CNTN6: variants seen among roughly 807,000 people sequenced by gnomAD.
The protein encoded by CNTN6 is contactin 6, also known as contactin-6.
Under a neutral mutation model 122.8 loss-of-function variants are expected in CNTN6, and 137 were observed. The observed-to-expected ratio is 1.12, with a 90% CI of 0.97 to 1.29. CNTN6 has a LOEUF of 1.29. Ranked by LOEUF, CNTN6 falls within the 50% of genes most tolerant of loss-of-function variation. CNTN6 has a pLI of 0.00. For synonymous variants in CNTN6, 570 were observed against 426.0 expected (o/e 1.34, Z -4.16); for missense variants, 1,634 against 1,223.4 (o/e 1.34, Z -5.01).
chr3:1,367,068 G>C (rs556944511), intron 12 of CNTN6, among the ~76,000 whole-genome samples: 1 of 152,122 alleles, frequency 6.6e-6, no homozygotes, highest in African/African-American at 2.4e-5. Context: ...GTATTTGTGG[G>C]ATATAATGTG....
In CNTN6 at chr3:1,372,983, A is replaced by T. The variant is rs1305080921; in HGVS notation, c.1786+28A>T. On this transcript the variant is annotated intron_variant, in intron 14 of 22. Coordinates refer to ENST00000446702, the MANE Select transcript of CNTN6 (RefSeq NM_001289080.2). The stretch of plus-strand genomic sequence containing the variant: ...AAGCATAAATGGTGAAAAAGTGATC[A>T]CATTGTTTCTTCACAGTTACAGTGT... 1.1e-5 allele frequency: 14 copies of T among 1,286,254 alleles called. No homozygotes were observed. The East Asian group carries it at 3.3e-4, about 30-fold the overall frequency. 79.7% of individuals were successfully genotyped at this position (1,286,254 alleles called of 1,614,324 possible). A position where few individuals can be genotyped will look rare whatever the true frequency, so the allele number is the denominator to read the frequency against.
intron 5 of CNTN6, among the ~76,000 whole-genome samples, chr3:1,286,860 A>C (rs1694437043): frequency 6.6e-6 from 1 of 152,162 alleles, no homozygotes; most frequent in Admixed American, 6.5e-5. Context: ...GGCTCAAAAT[A>C]AAGGGAAGGA....
intron 7 of CNTN6, among the ~76,000 whole-genome samples, chr3:1,299,702 G>A (rs1397912416): frequency 6.6e-6 from 1 of 152,138 alleles, no homozygotes; most frequent in Non-Finnish European, 1.5e-5. Flanking sequence ...TTTAAATTCT[G>A]AATTTAGGAA....
chr3:1,402,713 G>GA (rs532966629), intron 22 of CNTN6: 10 of 390,098 alleles, frequency 2.6e-5, no homozygotes, highest in East Asian at 7.7e-5. Context: ...AAGAGAACAG[G>GA]AAAAAAAATC....
intron 11 of CNTN6, among the ~76,000 whole-genome samples, chr3:1,335,004 A>G (rs934925377): frequency 6.6e-6 from 1 of 152,190 alleles, no homozygotes; most frequent in Non-Finnish European, 1.5e-5. Flanking sequence ...TAAGCCAGAT[A>G]GCCACATAAC....
At chr3:1,166,023 C>T (rs937247263) in intron 2 of CNTN6, among the ~76,000 whole-genome samples, 5 of 152,200 alleles carry the variant, frequency 3.3e-5, no homozygotes, top group African/African-American at 1.2e-4. Flanking sequence ...TCCTACATCT[C>T]TGAGAAGATG....
At chr3:1,363,966 A>G (rs1707842906) in intron 12 of CNTN6, among the ~76,000 whole-genome samples, 1 of 151,880 alleles carries the variant, frequency 6.6e-6, no homozygotes, top group South Asian at 2.1e-4. Context: ...GTGTGATGTG[A>G]CATCTCATCA....
At chr3:1,371,718 C>A (rs1026243285) in intron 12 of CNTN6, among the ~76,000 whole-genome samples, 2 of 152,128 alleles carry the variant, frequency 1.3e-5, no homozygotes, top group Non-Finnish European at 2.9e-5. Context: ...ATAATTTTAA[C>A]ACTGGAAAAT....
intron 20 of CNTN6, among the ~76,000 whole-genome samples, chr3:1,399,343 T>C (rs941794135): frequency 6.6e-6 from 1 of 152,038 alleles, no homozygotes; most frequent in Non-Finnish European, 1.5e-5. Context: ...GGAAGGATAG[T>C]TACAAAATAA....
At chr3:1,122,364 A>G (rs2091982909) in intron 1 of CNTN6, among the ~76,000 whole-genome samples, 2 of 142,360 alleles carry the variant, frequency 1.4e-5, no homozygotes, top group African/African-American at 3.0e-5. Context: ...GGGAAGGAGG[A>G]AGGAAGGAAG....
chr3:1,398,321 G>C (rs1029622816), intron 20 of CNTN6, among the ~76,000 whole-genome samples: 3 of 152,098 alleles, frequency 2.0e-5, no homozygotes, highest in Non-Finnish European at 4.4e-5. Context: ...CAGACATAAA[G>C]GATTGACACT....
intron 4 of CNTN6, among the ~76,000 whole-genome samples, chr3:1,255,961 T>C (rs2094750923): frequency 6.6e-6 from 1 of 152,052 alleles, no homozygotes; most frequent in Non-Finnish European, 1.5e-5. Flanking sequence ...GGGATCCACC[T>C]AAGCTCAAGA....
intron 2 of CNTN6, chr3:1,173,456 T>C: frequency 5.7e-6 from 2 of 353,706 alleles, no homozygotes; most frequent in Non-Finnish European, 1.1e-5. Flanking sequence ...AGTATTATAA[T>C]CTCCATTTAG....
chr3:1,312,777 C>G (rs1303641977), intron 7 of CNTN6, among the ~76,000 whole-genome samples: 1 of 151,128 alleles, frequency 6.6e-6, no homozygotes, highest in African/African-American at 2.4e-5. Context: ...ATTTAGAGCT[C>G]CATGTCTGTG....
chr3:1,375,404 C>T (rs928508132), intron 16 of CNTN6, among the ~76,000 whole-genome samples: 1 of 152,046 alleles, frequency 6.6e-6, no homozygotes, highest in African/African-American at 2.4e-5. Context: ...AGTCTCTCGT[C>T]TCTCCCTCTC....
chr3:1,373,213 A>G (rs1709348592), intron 14 of CNTN6, among the ~76,000 whole-genome samples: 1 of 152,126 alleles, frequency 6.6e-6, no homozygotes, highest in East Asian at 1.9e-4. Context: ...GTCAGTAACT[A>G]AAACTTAGAC....
intron 4 of CNTN6, among the ~76,000 whole-genome samples, chr3:1,264,804 G>A (rs964770728): frequency 6.6e-6 from 1 of 151,948 alleles, no homozygotes; most frequent in African/African-American, 2.4e-5. Flanking sequence ...GATCACTAAA[G>A]CTTTTTCTTC....
At chr3:1,268,606 CAAAAAAA>C (rs71690299) in intron 4 of CNTN6, among the ~76,000 whole-genome samples, 2 of 99,528 alleles carry the variant, frequency 2.0e-5, no homozygotes, top group Non-Finnish European at 4.5e-5. Context: ...GACTCCGTCT[CAAAAAAA>C]AAAAAAAAAA....
At chr3:1,262,930 CTA>C (rs2094870887) in intron 4 of CNTN6, among the ~76,000 whole-genome samples, 1 of 151,468 alleles carries the variant, frequency 6.6e-6, no homozygotes, top group African/African-American at 2.4e-5. Context: ...AGAAAAATAA[CTA>C]AAAAATAAAT....
Sources: gnomAD v4.1 joint callset for allele counts (sites outside exome capture counted in the v4.1 genomes callset) on GRCh38, gnomAD v4.1.1 for gene constraint, MANE v1.5 for transcripts, NCBI Gene and HGNC (gene_info 2026-07-23, HGNC 2026-07-21) for gene names.